Variants in VAV2 observed in about 807,000 individuals in gnomAD.
VAV2 encodes the protein vav guanine nucleotide exchange factor 2, also known as guanine nucleotide exchange factor VAV2.
A neutral mutation model predicts 132.5 loss-of-function variants in VAV2; 67 were observed. That is an observed-to-expected ratio of 0.51 (90% CI 0.42 to 0.62). The LOEUF is 0.62. Among genes scored for constraint, VAV2 ranks in the 20% least tolerant of loss-of-function variants. The pLI is 0.00. For synonymous variants in VAV2, 492 were observed against 443.5 expected (o/e 1.11, Z -1.37); for missense variants, 938 against 1,153.6 (o/e 0.81, Z 2.71).
At chr9:133,838,683 C>G (rs1162692572) in intron 3 of VAV2, among the ~76,000 whole-genome samples, 2 of 85,616 alleles carry the variant, frequency 2.3e-5, no homozygotes, top group Non-Finnish European at 4.5e-5. Context: ...GAATGGATGG[C>G]TGAGTGGCTA....
At chr9:133,890,525 C>A (rs2519767) in intron 2 of VAV2, among the ~76,000 whole-genome samples, 110,913 of 151,712 alleles carry the variant, frequency 0.73, 42,880 homozygotes, top group Middle Eastern at 0.91. Flanking sequence ...GACCGCCCCC[C>A]ACCACCCCCT....
chr9:133,985,698 T>C (rs1842838519), intron 1 of VAV2, among the ~76,000 whole-genome samples: 1 of 152,214 alleles, frequency 6.6e-6, no homozygotes, highest in Admixed American at 6.5e-5. Context: ...AACATCTTGT[T>C]GACCAGCCTG....
intron 3 of VAV2, among the ~76,000 whole-genome samples, chr9:133,844,777 G>A (rs1836863759): frequency 6.6e-6 from 1 of 152,250 alleles, no homozygotes; most frequent in Non-Finnish European, 1.5e-5. Context: ...TATGGCACAG[G>A]AACGCAGACA....
chr9:133,911,744 T>G (rs1839893104), intron 2 of VAV2, among the ~76,000 whole-genome samples: 1 of 152,166 alleles, frequency 6.6e-6, no homozygotes, highest in Non-Finnish European at 1.5e-5. Context: ...TGTCCAAAAG[T>G]AAGCGCATTA....
intron 3 of VAV2, among the ~76,000 whole-genome samples, chr9:133,843,164 GGA>G (rs1279118883): frequency 6.6e-6 from 1 of 152,160 alleles, no homozygotes; most frequent in African/African-American, 2.4e-5. Flanking sequence ...CCCGGCTCGG[GGA>G]TGGCAGTGTC....
At chr9:133,940,851 G>A (rs2519104) in intron 1 of VAV2, among the ~76,000 whole-genome samples, 102,233 of 151,510 alleles carry the variant, frequency 0.67, 34,697 homozygotes, top group East Asian at 0.81. Context: ...GACACCACAC[G>A]GTTATCTTAT....
At position 133,840,049 on chromosome 9, in the gene VAV2, C is replaced by G. The variant is rs558460520; in HGVS notation, c.381-5709G>C. 3.0e-3 allele frequency among the ~76,000 whole-genome samples: 453 copies of G among 152,278 alleles called. No individual in the cohort carries two copies. Among genetic ancestry groups the G allele is most frequent in the Non-Finnish European group, 4.8e-3 (326 of 68,020 alleles). On this transcript the variant is annotated intron_variant, in intron 3 of 29. Transcript: ENST00000371850. This position sits in a 1 kb window ranked among gnomAD's most constrained non-coding sequence, Gnocchi z 4.5. ...TTTTCCTTCCCGCACTTACCCCTAG[C>G]GTCCCCTACCCACACCTTGCCCTGT...
At chr9:133,836,765 G>A (rs1481858835) in intron 3 of VAV2, among the ~76,000 whole-genome samples, 1 of 152,142 alleles carries the variant, frequency 6.6e-6, no homozygotes, top group South Asian at 2.1e-4. Flanking sequence ...TCTAGAACCC[G>A]CCCTGCTAAG....
chr9:133,966,102 T>C (rs2810539), intron 1 of VAV2, among the ~76,000 whole-genome samples: 52,826 of 152,078 alleles, frequency 0.35, 9,622 homozygotes, highest in East Asian at 0.61. Flanking sequence ...AAACTAGACT[T>C]CCATGTCTCC....
At position 133,837,730 on chromosome 9, in the gene VAV2, C is replaced by A. The variant is rs537359629; in HGVS notation, c.381-3390G>T. Reference sequence around the variant, plus strand: ...AATAAATTAAAAAAAAAAAAAAAACCTTTTTAAAAACCTGACCTTGAGCTA... The same window carrying A: ...AATAAATTAAAAAAAAAAAAAAAACATTTTTAAAAACCTGACCTTGAGCTA... On this transcript the variant is annotated intron_variant, in intron 3 of 29. Transcript: ENST00000371850. 2.6e-5 allele frequency among the ~76,000 whole-genome samples: 4 copies of A among 151,050 alleles called. No homozygotes were observed. The South Asian group carries it at 8.4e-4, about 32-fold the overall frequency.
chr9:133,919,496 T>C lies in VAV2; in HGVS notation c.321+19607A>G, dbSNP rs932276518. ...CCCGGCTCCCAGCCCAGGGACTCAC[T>C]GTCCCCCGGGGCCAGGTCGGCTGGC... On this transcript the variant is annotated intron_variant, in intron 2 of 29. Coordinates refer to ENST00000371850, the MANE Select transcript of VAV2 (RefSeq NM_001134398.2). This position sits in a 1 kb window ranked among gnomAD's most constrained non-coding sequence, Gnocchi z 5.8. Among the ~76,000 whole-genome samples, 1 of 152,176 alleles carries C rather than the reference T, an allele frequency of 6.6e-6. No homozygotes were observed. The highest frequency in any genetic ancestry group is 2.4e-5 in the African/African-American group (1 of 41,444).
rs1233947479 is a variant in VAV2, at chr9:133,863,987, C to A, written c.322-2555G>T. ...AGGGCACCTCTGGCTGTGCCCACCC[C>A]ACTCCCAGGACAGACAGAGAGCTGG... On this transcript the variant is annotated intron_variant, in intron 2 of 29. Coordinates refer to ENST00000371850, the MANE Select transcript of VAV2 (RefSeq NM_001134398.2). This position sits in a 1 kb window ranked among gnomAD's most constrained non-coding sequence, Gnocchi z 5.0. Among the ~76,000 whole-genome samples the A allele has an allele frequency of 6.6e-6, 1 of 152,204 alleles. No homozygotes were observed. Among genetic ancestry groups the A allele is most frequent in the Admixed American group, 6.5e-5 (1 of 15,286 alleles).
At chr9:133,929,439 G>A (rs1034458223) in intron 2 of VAV2, among the ~76,000 whole-genome samples, 1 of 152,150 alleles carries the variant, frequency 6.6e-6, no homozygotes, top group African/African-American at 2.4e-5. Context: ...CAGGTGGGAG[G>A]TGCCAGGATG....
At chr9:133,781,741 T>C (rs1834013616) in intron 19 of VAV2, among the ~76,000 whole-genome samples, 1 of 151,798 alleles carries the variant, frequency 6.6e-6, no homozygotes, top group Non-Finnish European at 1.5e-5. Flanking sequence ...AAGGGAAAAA[T>C]GGCTACAAGT....
Position 133,775,055 on chromosome 9 carries a change from C to T in VAV2, c.2019-4G>A. On this transcript the variant is annotated splice_region_variant and splice_polypyrimidine_tract_variant and intron_variant, in intron 24 of 29. Transcript: ENST00000371850. Reference sequence around the variant, plus strand: ...CCTCTCCATGTTACCTGCAAACCTACAGGAGGGGGCCGGGAGGAAACGAGA... The same window carrying T: ...CCTCTCCATGTTACCTGCAAACCTATAGGAGGGGGCCGGGAGGAAACGAGA... The T allele has an allele frequency of 1.9e-6, 3 of 1,601,290 alleles. No homozygotes were observed. The highest frequency in any genetic ancestry group is 2.6e-6 in the Non-Finnish European group (3 of 1,174,220).
intron 2 of VAV2, among the ~76,000 whole-genome samples, chr9:133,924,740 G>A (rs919188979): frequency 7.2e-5 from 11 of 152,232 alleles, no homozygotes; most frequent in African/African-American, 2.7e-4. Flanking sequence ...GCCCTGGAAG[G>A]GAGGGGGCCT....
intron 2 of VAV2, among the ~76,000 whole-genome samples, chr9:133,891,691 A>C (rs1206129031): frequency 6.4e-4 from 2 of 3,140 alleles, no homozygotes; most frequent in Admixed American, 4.4e-3. Flanking sequence ...GAGGAATGGA[A>C]GGGGAGGGAT....
chr9:133,886,556 A>T (rs1348234457), intron 2 of VAV2, among the ~76,000 whole-genome samples: 1 of 152,178 alleles, frequency 6.6e-6, no homozygotes, highest in Non-Finnish European at 1.5e-5. Flanking sequence ...TGTCGGAGTC[A>T]GTGAGGCCCA....
chr9:133,772,197 C>A (rs1346385964), intron 25 of VAV2, 151 bp from the exon 26 acceptor site: 2 of 674,380 alleles, frequency 3.0e-6, no homozygotes, highest in Non-Finnish European at 5.1e-6. Flanking sequence ...CTACCCCAGC[C>A]CTTCGGGCCA....
Sources: gnomAD v4.1 joint callset for allele counts (sites outside exome capture counted in the v4.1 genomes callset) on GRCh38, gnomAD v4.1.1 for gene constraint, Gnocchi (gnomAD v3.1) non-coding constraint, MANE v1.5 for transcripts, NCBI Gene and HGNC (gene_info 2026-07-23, HGNC 2026-07-21) for gene names.